Variants in SMIM31 observed in about 807,000 individuals in gnomAD.
The protein encoded by SMIM31 is small integral membrane protein 31.
At chr4:164,760,012 G>A (rs185606528) in intron 1 of SMIM31, among the ~76,000 whole-genome samples, 12 of 152,290 alleles carry the variant, frequency 7.9e-5, no homozygotes, top group Admixed American at 2.0e-4. Context: ...CAGGTCTCCA[G>A]AGAAGCGCAT....
intron 1 of SMIM31, among the ~76,000 whole-genome samples, chr4:164,759,401 CAGTT>C: frequency 6.6e-6 from 1 of 152,198 alleles, no homozygotes; most frequent in Middle Eastern, 3.4e-3. Flanking sequence ...TACAATGTAT[CAGTT>C]ACTTTATTTG....
At chr4:164,755,298 G>A (rs2110911703) in intron 1 of SMIM31, among the ~76,000 whole-genome samples, 1 of 151,154 alleles carries the variant, frequency 6.6e-6, no homozygotes, top group African/African-American at 2.4e-5. Context: ...TGGCCAAAAC[G>A]GTGAAACCCT....
chr4:164,779,792 G>C (rs1461322716), intron 2 of SMIM31, among the ~76,000 whole-genome samples: 1 of 152,178 alleles, frequency 6.6e-6, no homozygotes, highest in Non-Finnish European at 1.5e-5. Context: ...TAGGGATATA[G>C]AGGAATCAAT....
At chr4:164,766,690 C>T (rs758176988) in intron 1 of SMIM31, among the ~76,000 whole-genome samples, 17 of 151,200 alleles carry the variant, frequency 1.1e-4, no homozygotes, top group African/African-American at 2.9e-4. Flanking sequence ...CCCAGCTACT[C>T]GGGGGACTGA....
At chr4:164,787,482 C>T (rs2110953462) in intron 2 of SMIM31, 1 of 150,750 alleles carries the variant, frequency 6.6e-6, no homozygotes. Context: ...CTTCTTTTCT[C>T]TCTCCTTTTT....
At chr4:164,778,059 G>A (rs761778739) in intron 2 of SMIM31, among the ~76,000 whole-genome samples, 16 of 152,122 alleles carry the variant, frequency 1.1e-4, no homozygotes, top group Non-Finnish European at 1.9e-4. Flanking sequence ...GATCCCTACC[G>A]TTTTTTCAAA....
At chr4:164,796,351 T>C (rs1269316287) in intron 2 of SMIM31, among the ~76,000 whole-genome samples, 1 of 152,180 alleles carries the variant, frequency 6.6e-6, no homozygotes, top group African/African-American at 2.4e-5. Flanking sequence ...CACCTCTTGG[T>C]TCCCCCTCTA....
chr4:164,755,811 G>A (rs1178351070), intron 1 of SMIM31, among the ~76,000 whole-genome samples: 1 of 152,078 alleles, frequency 6.6e-6, no homozygotes, highest in Admixed American at 6.5e-5. Context: ...TCTTTGGAAT[G>A]CAGTAGTAGC....
rs200059648 is a variant in SMIM31, at chr4:164,790,296, A to AT, written c.113-10788dup. Among the ~76,000 whole-genome samples, 847 of 152,286 alleles carry AT rather than the reference A, an allele frequency of 5.6e-3. 7 individuals are homozygous for AT. Among genetic ancestry groups the AT allele is most frequent in the African/African-American group, 0.019 (778 of 41,572 alleles). On this transcript the variant is annotated intron_variant, in intron 2 of 2. Transcript: ENST00000507311. ...CTGTCACTGATTTGAATGATACTGT[A>AT]TTTTTTTAAAAAAAATCCTTTTAAA...
intron 2 of SMIM31, among the ~76,000 whole-genome samples, chr4:164,779,338 T>G (rs1214436221): frequency 6.6e-6 from 1 of 152,218 alleles, no homozygotes; most frequent in Non-Finnish European, 1.5e-5. Context: ...GCACCAAGGT[T>G]TCCAGTTAAA....
chr4:164,760,008 T>C (rs1298024870), intron 1 of SMIM31, among the ~76,000 whole-genome samples: 1 of 152,046 alleles, frequency 6.6e-6, no homozygotes, highest in Non-Finnish European at 1.5e-5. Context: ...CATTCAGGTC[T>C]CCAGAGAAGC....
At chr4:164,798,521 A>G (rs796553228) in intron 2 of SMIM31, among the ~76,000 whole-genome samples, 22 of 152,060 alleles carry the variant, frequency 1.4e-4, no homozygotes, top group African/African-American at 3.1e-4. Context: ...GATTACAGGC[A>G]TGAGCCACCA....
chr4:164,786,876 C>T (rs1474625089), intron 2 of SMIM31, among the ~76,000 whole-genome samples: 3 of 152,172 alleles, frequency 2.0e-5, no homozygotes, highest in African/African-American at 4.8e-5. Context: ...GATGCAAAAA[C>T]ATTTAATTAA....
chr4:164,763,861 G>A (rs1380340299), intron 1 of SMIM31, among the ~76,000 whole-genome samples: 1 of 152,096 alleles, frequency 6.6e-6, no homozygotes, highest in African/African-American at 2.4e-5. Flanking sequence ...ATTTTTATTT[G>A]CCAATTATAC....
At chr4:164,768,908 T>C (rs1279211224) in intron 1 of SMIM31, among the ~76,000 whole-genome samples, 1 of 152,288 alleles carries the variant, frequency 6.6e-6, no homozygotes, top group Non-Finnish European at 1.5e-5. Context: ...TATGTCAGAG[T>C]GCATCAGCAT....
chr4:164,789,017 A>C (rs181626650), intron 2 of SMIM31, among the ~76,000 whole-genome samples: 1 of 152,128 alleles, frequency 6.6e-6, no homozygotes, highest in African/African-American at 2.4e-5. Context: ...AAAAGCAATA[A>C]AAACAAGATA....
At chr4:164,791,838 T>C (rs1733105510) in intron 2 of SMIM31, among the ~76,000 whole-genome samples, 1 of 152,174 alleles carries the variant, frequency 6.6e-6, no homozygotes, top group Admixed American at 6.6e-5. Flanking sequence ...TTTTTCATCC[T>C]TCAACCCCTC....
intron 2 of SMIM31, among the ~76,000 whole-genome samples, chr4:164,782,133 A>G (rs1032145935): frequency 1.3e-5 from 2 of 151,798 alleles, no homozygotes; most frequent in Non-Finnish European, 2.9e-5. Context: ...TCTACCAAAA[A>G]TACAGAATTA....
chr4:164,771,336 AAAAG>A (rs551432539), intron 2 of SMIM31, among the ~76,000 whole-genome samples: 10 of 152,338 alleles, frequency 6.6e-5, no homozygotes, highest in African/African-American at 1.9e-4. Flanking sequence ...GGGTTTGGCT[AAAAG>A]AAAGAGTAAA....
Sources: allele counts gnomAD v4.1 joint callset (sites outside exome capture counted in the v4.1 genomes callset), GRCh38; gene constraint gnomAD v4.1.1; transcripts MANE v1.5; gene names NCBI Gene and HGNC (gene_info 2026-07-23, HGNC 2026-07-21).